Variants in CLSTN2 observed in about 807,000 individuals in gnomAD.
The protein encoded by CLSTN2 is calsyntenin 2.
CLSTN2 carries 48 observed loss-of-function variants against 101.2 expected under a neutral mutation model. The observed-to-expected ratio is 0.47, with a 90% CI of 0.38 to 0.60. The LOEUF (loss-of-function observed/expected upper bound fraction) is 0.60, where lower values mean the gene tolerates loss of function less well. Ranked by LOEUF, CLSTN2 falls within the 20% of genes least tolerant of loss-of-function variation. The pLI is 0.00. For synonymous variants in CLSTN2, 481 were observed against 463.6 expected (o/e 1.04, Z -0.48); for missense variants, 1,160 against 1,238.2 (o/e 0.94, Z 0.95).
chr3:140,233,207 A>G (rs115585093), intron 2 of CLSTN2, among the ~76,000 whole-genome samples: 2 of 152,038 alleles, frequency 1.3e-5, no homozygotes, highest in Non-Finnish European at 1.5e-5. Context: ...TTGCATTGCT[A>G]TAACTGCCTG....
chr3:140,282,314 C>A (rs1347410292), intron 2 of CLSTN2, among the ~76,000 whole-genome samples: 1 of 152,160 alleles, frequency 6.6e-6, no homozygotes, highest in Non-Finnish European at 1.5e-5. Context: ...TCCCTTTAAG[C>A]CTCACAAAAG....
intron 1 of CLSTN2, among the ~76,000 whole-genome samples, chr3:140,106,595 A>C (rs1307232731): frequency 1.3e-5 from 2 of 152,294 alleles, no homozygotes; most frequent in East Asian, 3.9e-4. Flanking sequence ...GGCCCTTTCC[A>C]GAAGACAAGG....
intron 2 of CLSTN2, among the ~76,000 whole-genome samples, chr3:140,179,385 G>T (rs1303882773): frequency 6.6e-6 from 1 of 150,514 alleles, no homozygotes; most frequent in African/African-American, 2.4e-5. Flanking sequence ...GGGAGGCTGA[G>T]GAGGGGAGGA....
At chr3:140,139,342 G>C (rs1007031266) in intron 1 of CLSTN2, among the ~76,000 whole-genome samples, 9 of 152,186 alleles carry the variant, frequency 5.9e-5, no homozygotes, top group African/African-American at 2.2e-4. Flanking sequence ...TTTTGATGAA[G>C]TCTAAGTGAC....
chr3:140,183,023 A>T (rs1244044474), intron 2 of CLSTN2, among the ~76,000 whole-genome samples: 1 of 152,130 alleles, frequency 6.6e-6, no homozygotes, highest in Non-Finnish European at 1.5e-5. Flanking sequence ...AGCCAAGAAG[A>T]GGGTAAAAGG....
intron 1 of CLSTN2, among the ~76,000 whole-genome samples, chr3:140,140,492 G>A (rs2009680248): frequency 6.6e-6 from 1 of 152,088 alleles, no homozygotes; most frequent in African/African-American, 2.4e-5. Flanking sequence ...GTTAACAAGG[G>A]GAAGGCACGA....
At chr3:140,318,214 G>A (rs1157559251) in intron 2 of CLSTN2, among the ~76,000 whole-genome samples, 1 of 152,164 alleles carries the variant, frequency 6.6e-6, no homozygotes, top group African/African-American at 2.4e-5. Context: ...AAGCTAAGGT[G>A]CATTGGGCAA....
At chr3:140,516,476 G>A (rs1045094749) in intron 8 of CLSTN2, among the ~76,000 whole-genome samples, 16 of 151,570 alleles carry the variant, frequency 1.1e-4, no homozygotes, top group African/African-American at 3.6e-4. Flanking sequence ...TTATTTGGAG[G>A]ATATGTTTCA....
At chr3:140,413,760 G>A (rs191801166) in intron 4 of CLSTN2, among the ~76,000 whole-genome samples, 3 of 152,124 alleles carry the variant, frequency 2.0e-5, no homozygotes, top group Admixed American at 2.0e-4. Context: ...ACACAAATCA[G>A]TAAATGTGAT....
intron 1 of CLSTN2, among the ~76,000 whole-genome samples, chr3:140,098,811 G>A (rs1448724499): frequency 2.6e-5 from 4 of 152,152 alleles, no homozygotes; most frequent in Admixed American, 2.0e-4. Context: ...GTTATTTTAT[G>A]TGAGAGCATT....
At chr3:140,187,566 A>G (rs768376622) in intron 2 of CLSTN2, among the ~76,000 whole-genome samples, 1 of 152,168 alleles carries the variant, frequency 6.6e-6, no homozygotes, top group Non-Finnish European at 1.5e-5. Flanking sequence ...CCCAGGTTTT[A>G]GGTCTGAGTG....
In CLSTN2 at chr3:139,951,014, C is replaced by A. The variant is rs72979855; in HGVS notation, c.109+15531C>A. 5.1e-3 allele frequency among the ~76,000 whole-genome samples: 780 copies of A among 152,330 alleles called. 5 individuals are homozygous for A. Among genetic ancestry groups the A allele is most frequent in the African/African-American group, 0.017 (699 of 41,576 alleles). On this transcript the variant is annotated intron_variant, in intron 1 of 16. Transcript: ENST00000458420. ...AATATTTTGAATAAGACAAAGCATT[C>A]TTTGGCCTCAATTCATAGGATGGTT...
intron 2 of CLSTN2, among the ~76,000 whole-genome samples, chr3:140,384,601 C>G (rs541446398): frequency 6.6e-6 from 1 of 152,142 alleles, no homozygotes; most frequent in Non-Finnish European, 1.5e-5. Context: ...TCCACTCACT[C>G]GGATGAGAAT....
intron 2 of CLSTN2, among the ~76,000 whole-genome samples, chr3:140,190,338 G>C (rs969456382): frequency 2.0e-5 from 3 of 146,698 alleles, no homozygotes; most frequent in African/African-American, 7.6e-5. Context: ...CCTTGAAATT[G>C]TGTAAATGGA....
intron 1 of CLSTN2, among the ~76,000 whole-genome samples, chr3:140,089,958 C>T (rs1345923369): frequency 7.9e-6 from 1 of 126,082 alleles, no homozygotes; most frequent in East Asian, 2.6e-4. Context: ...TGGCTGATTT[C>T]AGCTAGGATT....
At chr3:140,115,843 T>C (rs986448209) in intron 1 of CLSTN2, among the ~76,000 whole-genome samples, 10 of 152,214 alleles carry the variant, frequency 6.6e-5, no homozygotes, top group Non-Finnish European at 1.5e-4. Flanking sequence ...AGTAGCTTCC[T>C]AGGCTTGATC....
intron 1 of CLSTN2, among the ~76,000 whole-genome samples, chr3:139,948,811 C>G (rs1473400257): frequency 1.3e-5 from 2 of 152,214 alleles, no homozygotes; most frequent in Non-Finnish European, 1.5e-5. Context: ...TTTCATGATA[C>G]AGTCCACATT....
rs1576491973 is a variant in CLSTN2, at chr3:140,267,407, C to T, written c.232+91334C>T. Among the ~76,000 whole-genome samples the T allele has an allele frequency of 2.0e-5, 3 of 152,266 alleles. No individual in the cohort carries two copies. In the South Asian group the frequency reaches 6.2e-4, roughly 32 times the overall value. The stretch of plus-strand genomic sequence containing the variant: ...GTCTAACAGTCTCAGTCCACAAACT[C>T]CAATTCCTTGGTCTACTGCAAATCC... On this transcript the variant is annotated intron_variant, in intron 2 of 16. Transcript: ENST00000458420.
Position 140,320,663 on chromosome 3 carries a change from T to C in CLSTN2, c.233-82966T>C, listed in dbSNP as rs575271968. Reference sequence around the variant, plus strand: ...ATTATTATTGTATTATATGTATTTATATGCATAATGTATGTATTGACTATT... The same window carrying C: ...ATTATTATTGTATTATATGTATTTACATGCATAATGTATGTATTGACTATT... On this transcript the variant is annotated intron_variant, in intron 2 of 16. Coordinates refer to ENST00000458420, the MANE Select transcript of CLSTN2 (RefSeq NM_022131.3). Among the ~76,000 whole-genome samples the C allele has an allele frequency of 1.6e-4, 25 of 151,822 alleles. No individual in the cohort carries two copies. In the South Asian group the frequency reaches 5.0e-3, roughly 30 times the overall value.
Sources: allele counts gnomAD v4.1 joint callset (sites outside exome capture counted in the v4.1 genomes callset), GRCh38; gene constraint gnomAD v4.1.1; transcripts MANE v1.5; gene names NCBI Gene and HGNC (gene_info 2026-07-23, HGNC 2026-07-21).